The following HAUS7 variants were observed in gnomAD, a reference collection of about 807,000 sequenced individuals.
The protein encoded by HAUS7 is HAUS augmin-like complex subunit 7.
Under a neutral mutation model 28.4 loss-of-function variants are expected in HAUS7, and 3 were observed. The observed-to-expected ratio is 0.11, with a 90% CI of 0.05 to 0.27. The LOEUF is 0.27. HAUS7 is among the 10% of genes least tolerant of loss of function. HAUS7 has a pLI of 1.00. For missense variants in HAUS7, 284 were observed against 297.3 expected, an observed-to-expected ratio of 0.96 and a Z score of 0.33; for synonymous variants, 165 against 132.1, an observed-to-expected ratio of 1.25 and a Z score of -1.71.
intron 1 of HAUS7, among the ~76,000 whole-genome samples, chrX:153,493,126 C>T (rs1291635516): frequency 2.7e-5 from 3 of 112,322 alleles, no homozygotes; most frequent in Non-Finnish European, 3.8e-5. Context: ...ATCACTCAGT[C>T]GATTGTAGAA....
intron 1 of HAUS7, among the ~76,000 whole-genome samples, chrX:153,489,391 C>T (rs782058681): frequency 5.3e-5 from 6 of 113,065 alleles, no homozygotes; most frequent in African/African-American, 1.9e-4. Context: ...TTACTGTGCT[C>T]CTCCTCTTCG....
At chrX:153,451,540 C>T (rs989482204) in intron 9 of HAUS7, among the ~76,000 whole-genome samples, 31 of 111,993 alleles carry the variant, frequency 2.8e-4, no homozygotes, top group Non-Finnish European at 3.9e-4. Flanking sequence ...TCCGAGGAGA[C>T]GGCTGGCTGG....
At chrX:153,479,630 C>T (rs1317645514) in intron 1 of HAUS7, among the ~76,000 whole-genome samples, 3 of 112,421 alleles carry the variant, frequency 2.7e-5, no homozygotes, top group African/African-American at 9.7e-5. Context: ...GCCCCAGTGC[C>T]TCCTGAGACA....
chrX:153,453,253 C>A (rs946965823), intron 9 of HAUS7, among the ~76,000 whole-genome samples: 4 of 111,637 alleles, frequency 3.6e-5, no homozygotes, highest in Non-Finnish European at 7.5e-5. Flanking sequence ...ACAGTGGTTG[C>A]CAGGAGTTGA....
intron 2 of HAUS7, among the ~76,000 whole-genome samples, chrX:153,466,833 G>A (rs782557354): frequency 8.0e-5 from 9 of 112,377 alleles, no homozygotes; most frequent in Non-Finnish European, 1.5e-4. Flanking sequence ...CCGATATGAC[G>A]CTCAAAGGAG....
chrX:153,488,524 G>A (rs1032271731), intron 1 of HAUS7, among the ~76,000 whole-genome samples: 7 of 112,439 alleles, frequency 6.2e-5, no homozygotes, highest in Admixed American at 3.7e-4. Flanking sequence ...GGGCGGGAGA[G>A]GCCTGGGAAG....
At chrX:153,468,103 G>A (rs7055038) in intron 2 of HAUS7, among the ~76,000 whole-genome samples, 5,229 of 112,264 alleles carry the variant, frequency 0.047, 264 homozygotes, top group African/African-American at 0.14. Flanking sequence ...AGAGGCAGGA[G>A]ACGCCTCTGG....
At chrX:153,494,582 C>T (rs2089692962) in intron 1 of HAUS7, among the ~76,000 whole-genome samples, 1 of 112,154 alleles carries the variant, frequency 8.9e-6, no homozygotes, top group Admixed American at 9.3e-5. Flanking sequence ...AGGCCGCCTC[C>T]CCCTCGTCTT....
intron 1 of HAUS7, among the ~76,000 whole-genome samples, chrX:153,490,207 T>C (rs1336102158): frequency 8.9e-6 from 1 of 112,253 alleles, no homozygotes; most frequent in Non-Finnish European, 1.9e-5. Flanking sequence ...CCATCTTCCA[T>C]CCTCTGGCCA....
At chrX:153,480,487 GGGT>G in intron 1 of HAUS7, 1 of 596,953 alleles carries the variant, frequency 1.7e-6, no homozygotes, top group Non-Finnish European at 2.0e-6. Flanking sequence ...GGGGAGGCCT[GGGT>G]AAAGAGGAAG....
At chrX:153,490,701 C>T (rs1235896231) in intron 1 of HAUS7, among the ~76,000 whole-genome samples, 1 of 112,851 alleles carries the variant, frequency 8.9e-6, no homozygotes, top group Non-Finnish European at 1.9e-5. Context: ...TGGGGCCGCT[C>T]TTGCTCAAGA....
chrX:153,457,313 G>T, intron 4 of HAUS7, 85 bp from the exon 5 acceptor site: 1 of 603,481 alleles, frequency 1.7e-6, no homozygotes, highest in Non-Finnish European at 2.7e-6. Context: ...GCCCCCACAT[G>T]CCACCCATGC....
At chrX:153,449,505 G>A (rs1205896302) in intron 9 of HAUS7, among the ~76,000 whole-genome samples, 2 of 112,648 alleles carry the variant, frequency 1.8e-5, no homozygotes, top group Non-Finnish European at 3.8e-5. Context: ...TTATCAAATC[G>A]TCTAGACCTC....
At chrX:153,489,315 C>T (rs2089657814) in intron 1 of HAUS7, among the ~76,000 whole-genome samples, 2 of 112,320 alleles carry the variant, frequency 1.8e-5, no homozygotes, top group Admixed American at 1.9e-4. Flanking sequence ...AGCCGTGGCC[C>T]TGCACCTGCC....
At chrX:153,473,779 C>T (rs781865649), upstream of HAUS7, among the ~76,000 whole-genome samples, 1 of 111,858 alleles carries the variant, frequency 8.9e-6, no homozygotes, top group Non-Finnish European at 1.9e-5. Context: ...TCTGCCTCCC[C>T]TCCCCTCCCT....
At chrX:153,481,230 C>T in intron 1 of HAUS7, 4 of 519,275 alleles carry the variant, frequency 7.7e-6, no homozygotes, top group South Asian at 2.0e-4. Context: ...GGGGAGGGGT[C>T]CCAGTAACCT....
intron 1 of HAUS7, 70 bp downstream of exon 1, chrX:153,470,380 G>A (rs2124148825): frequency 9.2e-7 from 1 of 1,083,575 alleles, no homozygotes; most frequent in Admixed American, 2.6e-5. Context: ...TCCGCAGCAA[G>A]CCCTCCCGGG....
At chrX:153,465,840 C>G (rs1164625513) in intron 2 of HAUS7, among the ~76,000 whole-genome samples, 1 of 112,312 alleles carries the variant, frequency 8.9e-6, no homozygotes, top group Non-Finnish European at 1.9e-5. Context: ...ATGCCTCAAG[C>G]CCGGTATGAC....
chrX:153,457,754 C>T (rs1168202798), intron 4 of HAUS7, among the ~76,000 whole-genome samples: 4 of 113,126 alleles, frequency 3.5e-5, no homozygotes, highest in African/African-American at 1.3e-4. Context: ...ATTAGTCCCC[C>T]ACTCGCCGGA....
Sources: allele counts gnomAD v4.1 joint callset (sites outside exome capture counted in the v4.1 genomes callset), GRCh38; gene constraint gnomAD v4.1.1; transcripts MANE v1.5; gene names NCBI Gene and HGNC (gene_info 2026-07-23, HGNC 2026-07-21).